Variants in NOX4 observed in about 807,000 individuals in gnomAD.
NOX4 encodes the protein NADPH oxidase 4, also known as kidney oxidase-1.
Under a neutral mutation model 87.6 loss-of-function variants are expected in NOX4, and 69 were observed. The observed-to-expected ratio is 0.79, with a 90% CI of 0.65 to 0.96. NOX4 has a LOEUF of 0.96. Among genes scored for constraint, NOX4 ranks in the 40% least tolerant of loss-of-function variants. The probability of loss-of-function intolerance (pLI) is 0.00; values close to 1 mark genes in which losing one functional copy is unlikely to be tolerated. For synonymous variants in NOX4, 275 were observed against 238.2 expected, an observed-to-expected ratio of 1.15 and a Z score of -1.42; for missense variants, 680 against 681.5, an observed-to-expected ratio of 1.00 and a Z score of 0.02.
chr11:89,366,784 T>A (rs796918379), intron 12 of NOX4, among the ~76,000 whole-genome samples: 3 of 151,852 alleles, frequency 2.0e-5, no homozygotes, highest in South Asian at 4.1e-4. Context: ...GTTTGTGAAA[T>A]GGCTGGAACG....
chr11:89,484,920 G>T lies in NOX4; in HGVS notation c.153+5538C>A, dbSNP rs571880408. Among the ~76,000 whole-genome samples, 4 of 152,134 alleles carry T rather than the reference G, an allele frequency of 2.6e-5. No individual in the cohort carries two copies. The East Asian group carries it at 7.7e-4, about 29-fold the overall frequency. ...GTGATTTTACAGTCTGTATAATTAG[G>T]ATTTAATGACCAAATCTCTTCTGAA... is the stretch of plus-strand genomic sequence containing the variant. On this transcript the variant is annotated intron_variant, in intron 2 of 17. Coordinates refer to ENST00000263317, the MANE Select transcript of NOX4 (RefSeq NM_016931.5).
chr11:89,496,996 C>T (rs149599508), upstream of NOX4, among the ~76,000 whole-genome samples: 630 of 152,210 alleles, frequency 4.1e-3, 2 homozygotes, highest in Non-Finnish European at 5.8e-3. Flanking sequence ...TTTCCAAGAG[C>T]GAATACACCT....
intron 12 of NOX4, among the ~76,000 whole-genome samples, chr11:89,360,896 G>T (rs2135003237): frequency 6.6e-6 from 1 of 152,174 alleles, no homozygotes; most frequent in Non-Finnish European, 1.5e-5. Context: ...AAATCACGAT[G>T]AGATGCTACC....
At chr11:89,381,467 C>A (rs948297978) in intron 11 of NOX4, among the ~76,000 whole-genome samples, 1 of 151,816 alleles carries the variant, frequency 6.6e-6, no homozygotes, top group Non-Finnish European at 1.5e-5. Context: ...ACTTTGTGAC[C>A]CCCATCCCTG....
intron 13 of NOX4, among the ~76,000 whole-genome samples, chr11:89,345,720 GA>G: frequency 6.6e-6 from 1 of 152,068 alleles, no homozygotes. Flanking sequence ...AATAGATGCA[GA>G]AAAAGTTTTT....
rs1312320089 is a variant in NOX4, at chr11:89,347,682, C to T, written c.1218-5489G>A. Among the ~76,000 whole-genome samples the T allele has an allele frequency of 2.6e-5, 4 of 152,224 alleles. No homozygotes were observed. In the East Asian group the frequency reaches 7.8e-4, roughly 30 times the overall value. ...GCCACCCAAAGCTCTTTCCTTCTCC[C>T]TCTCTCTCCTCCTCTCCTTCTTGCA... On this transcript the variant is annotated intron_variant, in intron 13 of 17. Transcript: ENST00000263317.
intron 13 of NOX4, among the ~76,000 whole-genome samples, chr11:89,354,468 TTTCCCCTG>T (rs1327224482): frequency 7.2e-5 from 11 of 151,762 alleles, no homozygotes; most frequent in Non-Finnish European, 1.5e-4. Flanking sequence ...GAAGATTTCA[TTTCCCCTG>T]TTTTCAATAC....
At chr11:89,332,960 G>C (rs1945537685) in intron 17 of NOX4, among the ~76,000 whole-genome samples, 2 of 151,812 alleles carry the variant, frequency 1.3e-5, no homozygotes, top group South Asian at 2.1e-4. Context: ...CACACATGTG[G>C]AAAGTAAATT....
the NOX4 span, among the ~76,000 whole-genome samples, chr11:89,520,880 G>A: frequency 6.6e-6 from 1 of 152,050 alleles, no homozygotes; most frequent in African/African-American, 2.4e-5. Flanking sequence ...AAAATCAGTG[G>A]CATTTCTATT....
chr11:89,399,433 A>ATC lies in NOX4; in HGVS notation c.1074+583_1074+584insGA, dbSNP rs1491407581. Among the ~76,000 whole-genome samples the ATC allele has an allele frequency of 4.8e-4, 6 of 12,374 alleles. No individual in the cohort carries two copies. The East Asian group carries it at 0.018, about 37-fold the overall frequency. 8.1% of individuals were successfully genotyped at this position (12,374 alleles called of 152,430 possible). On this transcript the variant is annotated intron_variant, in intron 11 of 17. Transcript: ENST00000263317. The stretch of plus-strand genomic sequence containing the variant: ...GAAAAGTAAATATTCAAGAAATTAA[A>ATC]TATATATATATATATATATATATAT...
At chr11:89,484,131 T>C (rs1170983306) in intron 2 of NOX4, among the ~76,000 whole-genome samples, 6 of 152,170 alleles carry the variant, frequency 3.9e-5, no homozygotes, top group Non-Finnish European at 7.4e-5. Context: ...ATTGATATTA[T>C]TCATATCATT....
chr11:89,332,045 T>C (rs544416615), intron 17 of NOX4, among the ~76,000 whole-genome samples: 49 of 151,938 alleles, frequency 3.2e-4, no homozygotes, highest in Admixed American at 2.5e-3. Context: ...TGGAGGTAGA[T>C]TCGGGTACTA....
intron 13 of NOX4, among the ~76,000 whole-genome samples, chr11:89,352,639 T>C (rs1178816481): frequency 1.3e-5 from 2 of 152,162 alleles, no homozygotes; most frequent in Non-Finnish European, 2.9e-5. Flanking sequence ...CAGGCGTCCA[T>C]GACTTCAGAG....
At chr11:89,451,189 T>A (rs576511877) in intron 3 of NOX4, among the ~76,000 whole-genome samples, 54 of 152,076 alleles carry the variant, frequency 3.6e-4, no homozygotes, top group African/African-American at 1.1e-3. Context: ...GTTGTGCACA[T>A]GTACCCTAGA....
In NOX4 at chr11:89,465,695, C is replaced by T. The variant is rs578108795; in HGVS notation, c.154-13800G>A. Among the ~76,000 whole-genome samples, 11 of 152,254 alleles carry T rather than the reference C, an allele frequency of 7.2e-5. No homozygotes were observed. The East Asian group carries it at 2.1e-3, about 29-fold the overall frequency. On this transcript the variant is annotated intron_variant, in intron 2 of 17. Coordinates refer to ENST00000263317, the MANE Select transcript of NOX4 (RefSeq NM_016931.5). ...TTCTAACTGGTGTGAGATGGTATCT[C>T]ATTGTGGTTTTGATTTGCATTTCTG...
chr11:89,455,353 C>G (rs10501706), intron 2 of NOX4, among the ~76,000 whole-genome samples: 6,703 of 152,070 alleles, frequency 0.044, 450 homozygotes, highest in African/African-American at 0.15. Flanking sequence ...CTCCTTATAA[C>G]TTCCTCTCAA....
At chr11:89,404,581 G>C (rs892706369) in intron 8 of NOX4, among the ~76,000 whole-genome samples, 4 of 152,040 alleles carry the variant, frequency 2.6e-5, no homozygotes, top group Admixed American at 1.3e-4. Context: ...CACAAAAACT[G>C]CATGAACTAG....
intron 2 of NOX4, among the ~76,000 whole-genome samples, chr11:89,485,756 G>C (rs983424586): frequency 6.6e-6 from 1 of 152,136 alleles, no homozygotes; most frequent in African/African-American, 2.4e-5. Context: ...AGGTTGCCAT[G>C]GGGGAGTGGA....
intron 3 of NOX4, among the ~76,000 whole-genome samples, chr11:89,450,525 A>G (rs113248283): frequency 2.6e-5 from 4 of 152,266 alleles, no homozygotes; most frequent in African/African-American, 9.6e-5. Context: ...TTGTTTTCTT[A>G]CATACTTCAT....
Sources: allele counts gnomAD v4.1 joint callset (sites outside exome capture counted in the v4.1 genomes callset), GRCh38; gene constraint gnomAD v4.1.1; transcripts MANE v1.5; gene names NCBI Gene and HGNC (gene_info 2026-07-23, HGNC 2026-07-21).